CAPN10: variants seen among roughly 807,000 people sequenced by gnomAD.
The protein encoded by CAPN10 is calpain-10.
Under a neutral mutation model 78.4 loss-of-function variants are expected in CAPN10, and 71 were observed. The ratio of observed to expected loss-of-function variants is 0.91; its 90% CI spans 0.75 to 1.10. The LOEUF (loss-of-function observed/expected upper bound fraction) is 1.10, where lower values mean the gene tolerates loss of function less well. Ranked by LOEUF, CAPN10 falls within the 50% of genes least tolerant of loss-of-function variation. The probability of loss-of-function intolerance (pLI) is 0.00; values close to 1 mark genes in which losing one functional copy is unlikely to be tolerated. For synonymous variants in CAPN10, 437 were observed against 407.2 expected, an observed-to-expected ratio of 1.07 and a Z score of -0.88; for missense variants, 849 against 924.6, an observed-to-expected ratio of 0.92 and a Z score of 1.06.
rs1269107417 is a variant in CAPN10 at position 240,591,944 on chromosome 2, C to T, written c.482C>T (p.Ser161Phe). 2 of 1,613,002 alleles carry T rather than the reference C, an allele frequency of 1.2e-6. No homozygotes were observed. Among genetic ancestry groups the T allele is most frequent in the Non-Finnish European group, 8.5e-7 (1 of 1,179,878 alleles). ...ATTGTGTCCCCTAGGGTCCATGGGT[C>T]CTACGAGCACCTGTGGGCCGGGCAG... ...LEKVYAKVHG[S>F]YEHLWAGQVA... Residue 161 changes from serine to phenylalanine, a missense_variant, in exon 4 of 12, where the codon TCC becomes TTC. Coordinates refer to ENST00000391984, the MANE Select transcript of CAPN10 (RefSeq NM_023083.4).
rs1429331068 is a variant in CAPN10, at chr2:240,596,369, GGCT to G, written c.1331_1333del (p.Ala444del). The stretch of plus-strand genomic sequence containing the variant: ...CTAGGGTCCTGTCCATGCCCCCCGT[GGCT>G]GGCACCGCGTGCCATGCATACGACC... On this transcript the variant is annotated inframe_deletion, in exon 8 of 12. Coordinates refer to ENST00000391984, the MANE Select transcript of CAPN10 (RefSeq NM_023083.4). 4 of 1,612,792 alleles carry G rather than the reference GGCT, an allele frequency of 2.5e-6. No individual in the cohort carries two copies. In the Admixed American group the frequency reaches 6.7e-5, roughly 27 times the overall value.
Position 240,594,626 on chromosome 2 carries a change from A to T in CAPN10, c.914A>T (p.Glu305Val). The T allele has an allele frequency of 6.2e-7, 1 of 1,613,908 alleles. No homozygotes were observed. The highest frequency in any genetic ancestry group is 8.5e-7 in the Non-Finnish European group (1 of 1,179,964). The change falls in exon 6 of 12, where the codon GAG (glutamate) becomes GTG (valine). Residue 305 changes from glutamate to valine, a missense_variant. Coordinates refer to ENST00000391984, the MANE Select transcript of CAPN10 (RefSeq NM_023083.4). ...QLQEGEFWVE[E>V]EEFLREFDEL... is the part of the protein sequence containing the mutation. ...CAGGAAGGGGAGTTCTGGGTGGAGGAGGAGGAGTTCCTCAGGGAGTTTGAC... is the reference window on the plus strand; with the variant it reads ...CAGGAAGGGGAGTTCTGGGTGGAGGTGGAGGAGTTCCTCAGGGAGTTTGAC...
rs150614251 is a variant in CAPN10 at position 240,591,006 on chromosome 2, C to T, written c.465C>T (p.Tyr155=). 1,632 of 1,613,538 alleles carry T rather than the reference C, an allele frequency of 1.0e-3. 1 individual carries two copies. The highest frequency in any genetic ancestry group is 1.2e-3 in the Non-Finnish European group (1,381 of 1,179,608). ...VFWLPLLEKV[Y]AKVHGSYEHL... is the part of the protein sequence containing the mutation. ...GGCTCCCCTTACTGGAAAAGGTCTA[C>T]GCCAAGTGCGTGTGCTGGGGGCTGA... The change falls in exon 3 of 12, where the codon TAC becomes TAT. Residue 155 remains tyrosine, a synonymous_variant. Transcript: ENST00000391984.
At chr2:240,589,223 G>T (rs1016583739) in intron 1 of CAPN10, 120 bp from the exon 2 acceptor site, 3 of 1,324,426 alleles carry the variant, frequency 2.3e-6, no homozygotes, top group African/African-American at 1.5e-5. Context: ...TCCCTTTTTG[G>T]GTAACACTGA....
rs1052453833 is a variant in CAPN10, at chr2:240,586,974, C to T, written c.63C>T (p.Ala21=). ...TGTTCCGGGACGCCGCCTTCCCCGC[C>T]GCGGACTCCTCGCTCTTCTGCGACT... is the stretch of plus-strand genomic sequence containing the variant. ...RELFRDAAFP[A]ADSSLFCDLS... is the part of the protein sequence containing the mutation. Residue 21 remains alanine (A), a synonymous_variant, in exon 1 of 12, where the codon GCC becomes GCT. Transcript: ENST00000391984. 4.7e-6 allele frequency: 7 copies of T among 1,483,702 alleles called. No individual in the cohort carries two copies. The African/African-American group carries it at 8.8e-5, about 19-fold the overall frequency. 91.9% of individuals were successfully genotyped at this position (1,483,702 alleles called of 1,614,324 possible).
intron 4 of CAPN10, chr2:240,592,774 C>T (rs1009587472): frequency 7.4e-5 from 18 of 243,318 alleles, no homozygotes; most frequent in South Asian, 2.3e-4. Flanking sequence ...GCCACACACG[C>T]GCTGTCAAAT....
rs377630733 is a variant in CAPN10, at chr2:240,596,839, C to A, written c.1640C>A (p.Ser547Ter). The A allele has an allele frequency of 1.9e-6, 3 of 1,613,418 alleles. No individual in the cohort carries two copies. The highest frequency in any genetic ancestry group is 1.7e-5 in the Admixed American group (1 of 60,000). ...CCCACCAACCCCTGCTTCCCCTTCT[C>A]GGTCCCCGAGGGCCCTGGCCCCCGC... ...SYPTNPCFPF[S>*]VPEGPGPRCV... is the part of the protein sequence containing the mutation. The change falls in exon 9 of 12, where the codon TCG (serine) becomes TAG (stop). Residue 547 changes from serine (S) to a stop codon, truncating the protein, a stop_gained. Transcript: ENST00000391984. LOFTEE classifies it high-confidence loss of function.
chr2:240,592,631 C>T (rs2093109712), intron 4 of CAPN10: 3 of 389,068 alleles, frequency 7.7e-6, no homozygotes, highest in African/African-American at 2.1e-5. Context: ...GGCAACATGG[C>T]AAGATCTCAT....
At position 240,596,897 on chromosome 2, in the gene CAPN10, G is replaced by T. The variant is rs371519263; in HGVS notation, c.1698G>T (p.Arg566=). 5.6e-6 allele frequency: 9 copies of T among 1,613,542 alleles called. No individual in the cohort carries two copies. Among genetic ancestry groups the T allele is most frequent in the Admixed American group, 1.7e-5 (1 of 60,028 alleles). The change falls in exon 9 of 12, where the codon CGG becomes CGT. Residue 566 remains arginine (R), a synonymous_variant. Transcript: ENST00000391984. The stretch of plus-strand genomic sequence containing the variant: ...GCATCACTCTGCATCAGCACTGCCG[G>T]CCCAGTGACACCGAGTTCCACCCCA... The part of the protein sequence containing the change: ...CVRITLHQHC[R]PSDTEFHPIG...
intron 3 of CAPN10, chr2:240,591,687 C>T: frequency 1.8e-6 from 1 of 564,476 alleles, no homozygotes; most frequent in Non-Finnish European, 3.2e-6. Flanking sequence ...TGTGCCCACA[C>T]CGGATGCCAG....
chr2:240,598,388 C>A lies in CAPN10; in HGVS notation c.1980C>A (p.Phe660Leu). Residue 660 changes from phenylalanine (F) to leucine (L), a missense_variant, in exon 11 of 12, where the codon TTC becomes TTA. By Grantham distance (22) the Phe-to-Leu change is conservative. Transcript: ENST00000391984. Reference protein sequence around the residue: ...SIHSQEMLGQFLQEVSIMAVM... With the variant: ...SIHSQEMLGQLLQEVSIMAVM... ...ACAGCCAGGAGATGCTGGGCCAGTT[C>A]CTCCAAGAGGTGTGTATGCAGCCCC... The A allele has an allele frequency of 6.2e-7, 1 of 1,613,794 alleles. No homozygotes were observed. Among genetic ancestry groups the A allele is most frequent in the South Asian group, 1.1e-5 (1 of 91,084 alleles).
In CAPN10 at chr2:240,589,383, G is replaced by A. The variant is rs751154296; in HGVS notation, c.182G>A (p.Arg61Gln). 4 of 1,614,138 alleles carry A rather than the reference G, an allele frequency of 2.5e-6. No individual in the cohort carries two copies. The highest frequency in any genetic ancestry group is 1.3e-5 in the African/African-American group (1 of 75,056). The change falls in exon 2 of 12, where the codon CGG (arginine) becomes CAG (glutamine). Residue 61 changes from arginine to glutamine, a missense_variant. By Grantham distance (43) the Arg-to-Gln change is conservative. Coordinates refer to ENST00000391984, the MANE Select transcript of CAPN10 (RefSeq NM_023083.4). ...ATPRLFPDDP[R>Q]EGQVKQGLLG... Reference sequence around the variant, plus strand: ...CCCCGGCTGTTTCCAGATGACCCACGGGAAGGGCAGGTGAAGCAGGGGCTG... The same window carrying A: ...CCCCGGCTGTTTCCAGATGACCCACAGGAAGGGCAGGTGAAGCAGGGGCTG...
intron 6 of CAPN10, 67 bp downstream of exon 6, chr2:240,594,776 C>T: frequency 1.5e-6 from 2 of 1,316,300 alleles, no homozygotes; most frequent in Non-Finnish European, 2.0e-6. Context: ...TGGGCAGGTG[C>T]CTGGGTTCCC....
chr2:240,595,571 C>T (rs1406585390), intron 7 of CAPN10, among the ~76,000 whole-genome samples: 2 of 152,194 alleles, frequency 1.3e-5, no homozygotes, highest in Admixed American at 6.5e-5. Flanking sequence ...GGGCAGGACC[C>T]GCAGGAGGGG....
intron 2 of CAPN10, 27 bp from the exon 3 acceptor site, chr2:240,590,788 C>T: frequency 1.9e-6 from 3 of 1,609,586 alleles, no homozygotes; most frequent in South Asian, 2.2e-5. Context: ...ATCACGCTCG[C>T]CTTTTGCTTC....
chr2:240,588,977 G>A (rs2093084706), intron 1 of CAPN10, among the ~76,000 whole-genome samples: 2 of 96,652 alleles, frequency 2.1e-5, no homozygotes, highest in Admixed American at 2.4e-4. Flanking sequence ...AGGGGGTGTG[G>A]GAAATGGAGC....
Position 240,595,262 on chromosome 2 carries a change from C to T in CAPN10, c.1236C>T (p.Ile412=). ...DSHTSWSPAS[I]PGKHYQAVGL... ...ATACTTCGTGGAGCCCAGCGAGCAT[C>T]CCGGGCAAGCACTACCAGGCTGTGG... is the stretch of plus-strand genomic sequence containing the variant. Residue 412 remains isoleucine (I), a synonymous_variant, in exon 7 of 12, where the codon ATC becomes ATT. Transcript: ENST00000391984. 6.2e-7 allele frequency: 1 copy of T among 1,613,598 alleles called. No individual in the cohort carries two copies. The highest frequency in any genetic ancestry group is 8.5e-7 in the Non-Finnish European group (1 of 1,180,032).
At chr2:240,589,039 C>T (rs768525619) in intron 1 of CAPN10, among the ~76,000 whole-genome samples, 4 of 152,074 alleles carry the variant, frequency 2.6e-5, no homozygotes, top group Non-Finnish European at 5.9e-5. Flanking sequence ...TGAGATTTAC[C>T]AGCATGAGTA....
chr2:240,597,686 G>A (rs1257434511), intron 9 of CAPN10, among the ~76,000 whole-genome samples: 1 of 152,192 alleles, frequency 6.6e-6, no homozygotes. Flanking sequence ...CCTCCAGGCG[G>A]GGGCCCCACT....
Sources: allele counts gnomAD v4.1 joint callset (sites outside exome capture counted in the v4.1 genomes callset), GRCh38; gene constraint gnomAD v4.1.1; transcripts MANE v1.5; gene names NCBI Gene and HGNC (gene_info 2026-07-23, HGNC 2026-07-21).